RCC1L: variants seen among roughly 807,000 people sequenced by gnomAD.
RCC1L encodes the protein RCC1 like, also known as RCC1-like G exchanging factor-like protein.
RCC1L carries 46 observed loss-of-function variants against 58.6 expected under a neutral mutation model. That is an observed-to-expected ratio of 0.79 (90% CI 0.62 to 1.00). The LOEUF (loss-of-function observed/expected upper bound fraction) is 1.00. RCC1L is among the 50% of genes least tolerant of loss of function. The probability of loss-of-function intolerance (pLI) is 0.00; values close to 1 mark genes in which losing one functional copy is unlikely to be tolerated. For missense variants in RCC1L, 636 were observed against 623.6 expected (o/e 1.02, Z -0.21); for synonymous variants, 281 against 262.9 (o/e 1.07, Z -0.67).
intron 1 of RCC1L, among the ~76,000 whole-genome samples, chr7:75,072,369 T>C (rs1172984840): frequency 8.6e-5 from 13 of 151,188 alleles, no homozygotes; most frequent in African/African-American, 2.9e-4. Flanking sequence ...TTTTTGTTAT[T>C]GCTTTTGTTA....
chr7:75,043,181 G>A (rs1390448076), intron 10 of RCC1L, 72 bp from the exon 11 acceptor site: 15 of 1,561,118 alleles, frequency 9.6e-6, no homozygotes, highest in South Asian at 3.3e-5. Flanking sequence ...GGTGTTGGCC[G>A]ACCCGGCCCT....
intron 9 of RCC1L, among the ~76,000 whole-genome samples, chr7:75,054,719 T>C (rs906440350): frequency 0.034 from 5,190 of 151,854 alleles, 256 homozygotes; most frequent in African/African-American, 0.1. Context: ...GAGGCGGAGG[T>C]TGCAGTGAGC....
At chr7:75,029,604 A>G (rs960754458) in intron 10 of RCC1L, among the ~76,000 whole-genome samples, 1 of 151,796 alleles carries the variant, frequency 6.6e-6, no homozygotes, top group Non-Finnish European at 1.5e-5. Flanking sequence ...TTGGCCTCCC[A>G]AAGTGCTGGG....
intron 2 of RCC1L, among the ~76,000 whole-genome samples, chr7:75,069,672 G>A (rs1195973967): frequency 6.6e-6 from 1 of 152,004 alleles, no homozygotes; most frequent in East Asian, 1.9e-4. Flanking sequence ...AGAGATTCTT[G>A]TGCCTCAGCC....
chr7:75,056,599 T>C, intron 8 of RCC1L: 2 of 1,534,698 alleles, frequency 1.3e-6, no homozygotes, highest in Non-Finnish European at 1.7e-6. Flanking sequence ...CCATCTGCCT[T>C]TGATTTTTTG....
chr7:75,038,683 G>C (rs1805482008), downstream of RCC1L, among the ~76,000 whole-genome samples: 1 of 152,112 alleles, frequency 6.6e-6, no homozygotes, highest in Admixed American at 6.6e-5. Flanking sequence ...GGGCTAACTG[G>C]ATCAGGGCCT....
chr7:75,064,369 T>G (rs957651634), intron 4 of RCC1L, among the ~76,000 whole-genome samples: 1 of 151,012 alleles, frequency 6.6e-6, no homozygotes, highest in South Asian at 2.1e-4. Context: ...TTTTACACAT[T>G]AAAACCAATG....
intron 3 of RCC1L, among the ~76,000 whole-genome samples, chr7:75,065,359 A>C (rs1231286461): frequency 6.6e-6 from 1 of 152,120 alleles, no homozygotes; most frequent in Admixed American, 6.6e-5. Flanking sequence ...GTTCGAGGCC[A>C]GACTGGCAAA....
chr7:75,042,537 C>A lies in RCC1L; in HGVS notation c.*495G>T. The A allele has an allele frequency of 1.0e-6, 1 of 994,496 alleles. No individual in the cohort carries two copies. Among genetic ancestry groups the A allele is most frequent in the South Asian group, 4.5e-5 (1 of 22,456 alleles). The allele number at this position is 994,496 out of a possible 1,614,324, so 61.6% of individuals were successfully genotyped here. ...GGTGTGGCAGGCGGCCAGGAAGGGC[C>A]ATGAGCAGGGTGGCCTGAATGAAAA... On this transcript the variant is annotated 3_prime_UTR_variant, in exon 11 of 11. Coordinates refer to ENST00000610322, the MANE Select transcript of RCC1L (RefSeq NM_030798.5).
rs1806270072 is a variant in RCC1L at position 75,061,255 on chromosome 7, C to T, written c.739G>A (p.Asp247Asn). The change falls in exon 6 of 11, where the codon GAT (aspartate) becomes AAT (asparagine). Residue 247 changes from aspartate to asparagine, a missense_variant. By Grantham distance (23) the Asp-to-Asn change is conservative. Coordinates refer to ENST00000610322, the MANE Select transcript of RCC1L (RefSeq NM_030798.5). ...CCACAAGAATAGACTTCTCCTTTAT[C>T]CGTCAGGAACAGACTATGATCCTGA... The part of the protein sequence containing the change: ...CGQDHSLFLT[D>N]KGEVYSCGWG... 7 of 1,613,718 alleles carry T rather than the reference C, an allele frequency of 4.3e-6. No individual in the cohort carries two copies. The Admixed American group carries it at 6.7e-5, about 15-fold the overall frequency.
At chr7:75,037,467 G>A (rs1365896332), downstream of RCC1L, among the ~76,000 whole-genome samples, 1 of 151,920 alleles carries the variant, frequency 6.6e-6, no homozygotes, top group Non-Finnish European at 1.5e-5. Flanking sequence ...GGGATTACAG[G>A]CGTGAGCTAC....
Position 75,052,778 on chromosome 7 carries a change from ACAAACAGCTCTCCTTTGTCT to A in RCC1L, c.1232-2_1249del. The A allele has an allele frequency of 6.2e-7, 1 of 1,613,180 alleles. No homozygotes were observed. Among genetic ancestry groups the A allele is most frequent in the Non-Finnish European group, 8.5e-7 (1 of 1,179,640 alleles). ...GCACCCTCGGATGTTCTTGCCCCAT[ACAAACAGCTCTCCTTTGTCT>A]GCAAAGGGAGGAAAACAGGGGTTGG... On this transcript the variant is annotated splice_acceptor_variant and coding_sequence_variant, in exon 10 of 11. Coordinates refer to ENST00000610322, the MANE Select transcript of RCC1L (RefSeq NM_030798.5). LOFTEE classifies it high-confidence loss of function.
exon 11 of RCC1L, chr7:75,027,519 T>G (rs1428240251): frequency 6.3e-6 from 1 of 159,946 alleles, no homozygotes; most frequent in Non-Finnish European, 1.4e-5. Flanking sequence ...CTGTTTTTTT[T>G]GTTTTTTGTA....
At position 75,036,789 on chromosome 7, in the gene RCC1L, A is replaced by T. The variant is rs1025341461; in HGVS notation, c.1318-8710T>A. 2.0e-3 allele frequency among the ~76,000 whole-genome samples: 301 copies of T among 152,188 alleles called. 1 individual carries two copies. Among genetic ancestry groups the T allele is most frequent in the Non-Finnish European group, 3.4e-3 (233 of 67,978 alleles). ...GTGGTGCACGTCTGTAGTCCCAGCT[A>T]TTCGGGAGGCTGAGGCAGGAGAATC... On this transcript the variant is annotated intron_variant, in intron 10 of 10. Coordinates refer to the RCC1L transcript ENST00000614461.
At chr7:75,031,666 A>C (rs1805310030) in intron 10 of RCC1L, among the ~76,000 whole-genome samples, 1 of 152,114 alleles carries the variant, frequency 6.6e-6, no homozygotes, top group Non-Finnish European at 1.5e-5. Flanking sequence ...AATTTGAGGA[A>C]GGGCCCCCAG....
intron 1 of RCC1L, among the ~76,000 whole-genome samples, chr7:75,072,175 T>TATATATATATATATATATATATAC (rs1806778874): frequency 1.1e-5 from 1 of 92,750 alleles, no homozygotes; most frequent in Non-Finnish European, 2.3e-5. Flanking sequence ...TATATATATA[T>TATATATATATATATATATATATAC]ATATATATAT....
downstream of RCC1L, among the ~76,000 whole-genome samples, chr7:75,039,528 C>T (rs921417809): frequency 5.3e-5 from 8 of 152,146 alleles, no homozygotes; most frequent in Admixed American, 1.3e-4. Context: ...ATCTCTTCCC[C>T]GAAGAAATTA....
At chr7:75,066,937 G>A in intron 2 of RCC1L, 145 bp from the exon 3 acceptor site, 1 of 1,140,474 alleles carries the variant, frequency 8.8e-7, no homozygotes, top group Non-Finnish European at 1.2e-6. Flanking sequence ...GCAGAGCAAG[G>A]ACCAGAAGCC....
At chr7:75,034,406 C>A (rs1453194873) in intron 10 of RCC1L, among the ~76,000 whole-genome samples, 1 of 152,140 alleles carries the variant, frequency 6.6e-6, no homozygotes, top group African/African-American at 2.4e-5. Context: ...ATTTCAGCTA[C>A]TTGGGAGGCT....
Sources: gnomAD v4.1 joint callset for allele counts (sites outside exome capture counted in the v4.1 genomes callset) on GRCh38, gnomAD v4.1.1 for gene constraint, MANE v1.5 for transcripts, NCBI Gene and HGNC (gene_info 2026-07-23, HGNC 2026-07-21) for gene names.